The following MPP4 variants were observed in gnomAD, a reference collection of about 807,000 sequenced individuals.
MPP4 encodes the protein MAGUK p55 scaffold protein 4.
In MPP4, 91 loss-of-function variants were observed where a neutral mutation model predicts 98.3. The observed-to-expected ratio is 0.93, with a 90% CI of 0.78 to 1.10. MPP4 has a LOEUF of 1.10. Ranked by LOEUF, MPP4 falls within the 50% of genes least tolerant of loss-of-function variation. The pLI, the probability that MPP4 is intolerant of heterozygous loss-of-function variation, is 0.00. For missense variants in MPP4, 744 were observed against 792.9 expected, an observed-to-expected ratio of 0.94 and a Z score of 0.74; for synonymous variants, 261 against 271.8, an observed-to-expected ratio of 0.96 and a Z score of 0.39.
chr2:201,658,559 GAGA>G (rs1184572031), intron 15 of MPP4, 41 bp from the exon 16 acceptor site: 20 of 1,567,254 alleles, frequency 1.3e-5, no homozygotes, highest in Non-Finnish European at 1.6e-5. Context: ...ATGTGAGAGC[GAGA>G]AGTTTATTCA....
chr2:201,658,425 A>G, intron 16 of MPP4, 52 bp downstream of exon 16: 1 of 1,509,720 alleles, frequency 6.6e-7, no homozygotes, highest in Non-Finnish European at 9.2e-7. Context: ...CAGGTTTGGA[A>G]ACATAATTTA....
intron 1 of MPP4, among the ~76,000 whole-genome samples, chr2:201,697,603 T>C (rs971513259): frequency 1.2e-4 from 18 of 152,338 alleles, no homozygotes; most frequent in Non-Finnish European, 2.1e-4. Context: ...AGTAAAAGGC[T>C]GATACCTCCC....
At chr2:201,668,715 A>G (rs2105927053) in intron 12 of MPP4, among the ~76,000 whole-genome samples, 1 of 152,274 alleles carries the variant, frequency 6.6e-6, no homozygotes, top group South Asian at 2.1e-4. Flanking sequence ...ACGGAAGCTC[A>G]AGCTAAGACC....
Position 201,650,082 on chromosome 2 carries a change from A to G in MPP4, c.1465T>C (p.Tyr489His), listed in dbSNP as rs762854010. 3.2e-6 allele frequency: 5 copies of G among 1,571,772 alleles called. No individual in the cohort carries two copies. Among genetic ancestry groups the G allele is most frequent in the South Asian group, 2.3e-5 (2 of 85,154 alleles). ...GAACCTCTACTTTACCTGTGACTAT[A>G]TATGAGGTTTTCAAATGTTTCCTTG... is the stretch of plus-strand genomic sequence containing the variant. ...VSKETFENLIYSHRMLEYGEY... is the reference protein window; with the variant it reads ...VSKETFENLIHSHRMLEYGEY... The change falls in exon 19 of 22, where the codon TAT becomes CAT. Residue 489 changes from tyrosine to histidine, a missense_variant. Physicochemically the swap from Tyr to His is moderately conservative, Grantham distance 83. Transcript: ENST00000409474.
chr2:201,686,615 G>C (rs1450762093), intron 5 of MPP4, among the ~76,000 whole-genome samples: 2 of 152,100 alleles, frequency 1.3e-5, no homozygotes, highest in African/African-American at 4.8e-5. Context: ...TCACGGGCTG[G>C]AGAAGCTGTC....
chr2:201,648,940 T>C (rs1051365937), intron 20 of MPP4, among the ~76,000 whole-genome samples: 2 of 152,122 alleles, frequency 1.3e-5, no homozygotes, highest in African/African-American at 4.8e-5. Flanking sequence ...GGCTTGTGCT[T>C]GTAGTCCTAG....
At chr2:201,686,206 G>C (rs149248239) in intron 5 of MPP4, among the ~76,000 whole-genome samples, 156 bp from the exon 6 acceptor site, 1 of 152,122 alleles carries the variant, frequency 6.6e-6, no homozygotes, top group South Asian at 2.1e-4. Flanking sequence ...GAATTAATCC[G>C]ATCTTCACAA....
chr2:201,669,218 C>T (rs1421147387), intron 12 of MPP4, among the ~76,000 whole-genome samples: 2 of 151,878 alleles, frequency 1.3e-5, no homozygotes, highest in African/African-American at 4.8e-5. Flanking sequence ...CATTTGTTCC[C>T]TAATGCAGGG....
intron 2 of MPP4, among the ~76,000 whole-genome samples, chr2:201,693,655 AG>A (rs1689100903): frequency 6.6e-6 from 1 of 152,212 alleles, no homozygotes; most frequent in Non-Finnish European, 1.5e-5. Context: ...TTGTCAGGTA[AG>A]GGAAAAAAAG....
intron 12 of MPP4, chr2:201,666,741 TAAATAA>T (rs1688189458): frequency 9.6e-6 from 1 of 104,304 alleles, no homozygotes; most frequent in African/African-American, 3.0e-5. Flanking sequence ...AAAATAAAAA[TAAATAA>T]AAATAAATAA....
chr2:201,651,488 A>G lies in MPP4; in HGVS notation c.1382-1323T>C, dbSNP rs144397001. ...GACTAATATTTATATGGTAGGTTAA[A>G]GTCTGTGAATTGATGTATAACTCGA... On this transcript the variant is annotated intron_variant, in intron 18 of 21. Transcript: ENST00000409474. 1.4e-3 allele frequency: 1,392 copies of G among 985,414 alleles called. 18 individuals carry two copies. In the African/African-American group the frequency reaches 0.023, roughly 16 times the overall value. The allele number at this position is 985,414 out of a possible 1,614,324, so 61.0% of individuals were successfully genotyped here.
chr2:201,697,335 C>A lies in MPP4; in HGVS notation c.-101+1252G>T, dbSNP rs115079958. 8.0e-4 allele frequency among the ~76,000 whole-genome samples: 122 copies of A among 152,338 alleles called. 1 individual carries two copies. Among genetic ancestry groups the A allele is most frequent in the African/African-American group, 2.8e-3 (117 of 41,570 alleles). On this transcript the variant is annotated intron_variant, in intron 1 of 21. Coordinates refer to ENST00000409474, the MANE Select transcript of MPP4 (RefSeq NM_033066.3). Reference sequence around the variant, plus strand: ...AAACTTCCAGAAAATGATTTTCCCTCCCTCCAGGTAGCTAAGAAAACAGTT... The same window carrying A: ...AAACTTCCAGAAAATGATTTTCCCTACCTCCAGGTAGCTAAGAAAACAGTT...
chr2:201,689,828 G>A (rs1476084426), intron 4 of MPP4, among the ~76,000 whole-genome samples: 1 of 152,172 alleles, frequency 6.6e-6, no homozygotes, highest in Non-Finnish European at 1.5e-5. Flanking sequence ...AGACATCCAA[G>A]TGAGATGGAG....
intron 8 of MPP4, 82 bp from the exon 9 acceptor site, chr2:201,681,649 ATGT>A: frequency 5.0e-6 from 5 of 1,002,916 alleles, no homozygotes; most frequent in Non-Finnish European, 4.7e-6. Flanking sequence ...TTACAGTGCA[ATGT>A]ATCCAGGTCT....
At chr2:201,662,500 C>CA (rs57262157) in intron 14 of MPP4, among the ~76,000 whole-genome samples, 37,304 of 75,390 alleles carry the variant, frequency 0.49, 9,217 homozygotes, top group Non-Finnish European at 0.56. Flanking sequence ...GACTCTGTCT[C>CA]AAAAAAAAAA....
chr2:201,673,849 T>C (rs1688417871), intron 11 of MPP4, among the ~76,000 whole-genome samples: 1 of 152,228 alleles, frequency 6.6e-6, no homozygotes, highest in Non-Finnish European at 1.5e-5. Context: ...ATACTTTTTG[T>C]GTCCTTCCAG....
At chr2:201,695,607 G>A (rs1461168794) in intron 1 of MPP4, among the ~76,000 whole-genome samples, 1 of 152,120 alleles carries the variant, frequency 6.6e-6, no homozygotes, top group East Asian at 1.9e-4. Flanking sequence ...CGGGGGAACA[G>A]GGGCCAAGGG....
chr2:201,672,230 G>A (rs1241597578), intron 11 of MPP4, among the ~76,000 whole-genome samples: 4 of 152,144 alleles, frequency 2.6e-5, no homozygotes, highest in Non-Finnish European at 5.9e-5. Flanking sequence ...CAGAATCTCT[G>A]GAAAACAGCT....
intron 11 of MPP4, among the ~76,000 whole-genome samples, chr2:201,672,489 G>C (rs936471144): frequency 2.0e-5 from 3 of 151,884 alleles, no homozygotes; most frequent in South Asian, 2.1e-4. Context: ...TAAGAAAATA[G>C]ATAGACCACT....
Sources: gnomAD v4.1 joint callset for allele counts (sites outside exome capture counted in the v4.1 genomes callset) on GRCh38, gnomAD v4.1.1 for gene constraint, MANE v1.5 for transcripts, NCBI Gene and HGNC (gene_info 2026-07-23, HGNC 2026-07-21) for gene names.